The following TTC28 variants were observed in gnomAD, a reference collection of about 807,000 sequenced individuals.
TTC28 encodes the protein tetratricopeptide repeat domain 28.
In TTC28, 61 loss-of-function variants were observed where a neutral mutation model predicts 198.0. The ratio of observed to expected loss-of-function variants is 0.31; its 90% CI spans 0.25 to 0.38. The LOEUF is 0.38. Ranked by LOEUF, TTC28 falls within the 10% of genes least tolerant of loss-of-function variation. TTC28 has a pLI of 1.00. For synonymous variants in TTC28, 1,171 were observed against 1,297.8 expected (o/e 0.90, Z 2.10); for missense variants, 2,678 against 3,164.0 (o/e 0.85, Z 3.69).
intron 19 of TTC28, among the ~76,000 whole-genome samples, chr22:27,991,625 A>G (rs990770532): frequency 6.6e-5 from 10 of 152,142 alleles, no homozygotes; most frequent in Non-Finnish European, 1.0e-4. Context: ...AACAACATAT[A>G]TTACTTTTTC....
At chr22:28,563,880 G>T (rs2049929479) in intron 2 of TTC28, among the ~76,000 whole-genome samples, 1 of 152,086 alleles carries the variant, frequency 6.6e-6, no homozygotes, top group African/African-American at 2.4e-5. Flanking sequence ...TAGCCAAAAG[G>T]TGAAAACAGC....
chr22:28,181,140 A>G (rs1042669960), intron 5 of TTC28, among the ~76,000 whole-genome samples: 3 of 152,220 alleles, frequency 2.0e-5, no homozygotes, highest in Admixed American at 1.3e-4. Context: ...AGGAGCTTTC[A>G]TAATAATTAT....
At chr22:28,140,099 A>G (rs1347152471) in intron 6 of TTC28, among the ~76,000 whole-genome samples, 1 of 152,162 alleles carries the variant, frequency 6.6e-6, no homozygotes, top group South Asian at 2.1e-4. Context: ...TTCCTCCCCC[A>G]TAAGGTTGAG....
At chr22:28,573,641 G>T (rs900083358) in intron 2 of TTC28, among the ~76,000 whole-genome samples, 1 of 151,970 alleles carries the variant, frequency 6.6e-6, no homozygotes, top group East Asian at 1.9e-4. Flanking sequence ...AATAATCACA[G>T]CAGGGTAAAT....
At position 28,471,192 on chromosome 22, in the gene TTC28, G is replaced by T. The variant is rs77954354; in HGVS notation, c.381+158360C>A. On this transcript the variant is annotated intron_variant, in intron 2 of 22. Coordinates refer to ENST00000397906, the MANE Select transcript of TTC28 (RefSeq NM_001145418.2). ...TCTTTAGTTTTCATAACAGTATGCA[G>T]AACAACTCTTTTCCAAAAAACCATT... is the stretch of plus-strand genomic sequence containing the variant. Among the ~76,000 whole-genome samples the T allele has an allele frequency of 9.5e-3, 1,451 of 152,262 alleles. 24 individuals carry two copies. The highest frequency in any genetic ancestry group is 0.033 in the African/African-American group (1,353 of 41,546).
chr22:28,335,658 A>G (rs1203734282), intron 2 of TTC28, among the ~76,000 whole-genome samples: 17 of 152,080 alleles, frequency 1.1e-4, no homozygotes. Flanking sequence ...TTGGTGTATA[A>G]GAATGCTTGT....
intron 2 of TTC28, among the ~76,000 whole-genome samples, chr22:28,425,139 C>T (rs985115871): frequency 6.6e-6 from 1 of 152,108 alleles, no homozygotes; most frequent in Non-Finnish European, 1.5e-5. Context: ...AAGTAAGGCA[C>T]AATAGTTCAG....
intron 1 of TTC28, among the ~76,000 whole-genome samples, chr22:28,659,694 C>T (rs547890617): frequency 1.6e-3 from 243 of 152,164 alleles, no homozygotes; most frequent in South Asian, 0.011. Context: ...CCTAGGAGTC[C>T]GAGGCTGGGG....
chr22:28,233,563 A>T (rs1372857664), intron 5 of TTC28, among the ~76,000 whole-genome samples: 1 of 152,202 alleles, frequency 6.6e-6, no homozygotes, highest in African/African-American at 2.4e-5. Context: ...CCAGTTAGAC[A>T]TATGTATTCC....
chr22:28,209,922 C>T (rs563536688), intron 5 of TTC28, among the ~76,000 whole-genome samples: 23 of 152,290 alleles, frequency 1.5e-4, no homozygotes, highest in South Asian at 6.2e-4. Context: ...CAGACAGGTG[C>T]CCCTCTGAGA....
chr22:28,061,941 G>T (rs904229946), intron 12 of TTC28, among the ~76,000 whole-genome samples: 1 of 152,162 alleles, frequency 6.6e-6, no homozygotes, highest in South Asian at 2.1e-4. Flanking sequence ...CACATCCGTT[G>T]TAAGTTGGAT....
intron 14 of TTC28, among the ~76,000 whole-genome samples, chr22:28,003,155 T>C (rs1937782869): frequency 6.6e-6 from 1 of 152,142 alleles, no homozygotes; most frequent in Non-Finnish European, 1.5e-5. Context: ...GTAGGGCACC[T>C]GGGCCCCATG....
intron 1 of TTC28, among the ~76,000 whole-genome samples, chr22:28,646,943 T>C (rs2051477922): frequency 6.6e-6 from 1 of 152,078 alleles, no homozygotes; most frequent in Non-Finnish European, 1.5e-5. Flanking sequence ...TAAGCAAAAA[T>C]GACTTATCTG....
rs1937001603 is a variant in TTC28 at position 27,981,229 on chromosome 22, A to ATTTTTTTTTTTTTTTTTT, written c.*991_*992insAAAAAAAAAAAAAAAAAA. 1 of 72,684 alleles carries ATTTTTTTTTTTTTTTTTT rather than the reference A, an allele frequency of 1.4e-5. No homozygotes were observed. The highest frequency in any genetic ancestry group is 4.9e-5 in the African/African-American group (1 of 20,418). The allele number at this position is 72,684 out of a possible 1,614,324, so 4.5% of individuals were successfully genotyped here. A position where few individuals can be genotyped will look rare whatever the true frequency, so the allele number is the denominator to read the frequency against. Reference sequence around the variant, plus strand: ...CTGGTTAAATCTAGTTAGCCATGGAAATTTTTTTTTTTTTTTTTTTTTTTT... The same window carrying ATTTTTTTTTTTTTTTTTT: ...CTGGTTAAATCTAGTTAGCCATGGAATTTTTTTTTTTTTTTTTTATTTTTTTTTTTTTTTTTTTTTTTT... On this transcript the variant is annotated 3_prime_UTR_variant, in exon 23 of 23. Coordinates refer to ENST00000397906, the MANE Select transcript of TTC28 (RefSeq NM_001145418.2).
intron 2 of TTC28, among the ~76,000 whole-genome samples, chr22:28,553,154 C>T (rs2049717179): frequency 6.6e-6 from 1 of 152,212 alleles, no homozygotes; most frequent in South Asian, 2.1e-4. Context: ...TACCTCCCAG[C>T]CGCCTGCCTT....
intron 2 of TTC28, among the ~76,000 whole-genome samples, chr22:28,551,812 T>C (rs1387609754): frequency 6.6e-6 from 1 of 152,178 alleles, no homozygotes; most frequent in African/African-American, 2.4e-5. Context: ...CCCTGTGAAC[T>C]GGAACAAGAC....
chr22:28,217,717 G>A (rs938969171), intron 5 of TTC28, among the ~76,000 whole-genome samples: 2 of 152,088 alleles, frequency 1.3e-5, no homozygotes, highest in East Asian at 1.9e-4. Flanking sequence ...TACTTAATAA[G>A]TACAATTCCA....
At chr22:28,389,104 T>C (rs966706554) in intron 2 of TTC28, among the ~76,000 whole-genome samples, 1 of 151,748 alleles carries the variant, frequency 6.6e-6, no homozygotes, top group Admixed American at 6.6e-5. Flanking sequence ...GATAATCATG[T>C]GGTTTTTGTC....
chr22:28,671,418 G>A (rs866112205), intron 1 of TTC28, among the ~76,000 whole-genome samples: 10 of 151,812 alleles, frequency 6.6e-5, no homozygotes, highest in African/African-American at 1.2e-4. Flanking sequence ...GGTGGATCAC[G>A]AGGTCAGGAG....
Sources: gnomAD v4.1 joint callset for allele counts (sites outside exome capture counted in the v4.1 genomes callset) on GRCh38, gnomAD v4.1.1 for gene constraint, MANE v1.5 for transcripts, NCBI Gene and HGNC (gene_info 2026-07-23, HGNC 2026-07-21) for gene names.